Variants in RNFT2 observed in about 807,000 individuals in gnomAD.
RNFT2 encodes ring finger protein, transmembrane 2.
A neutral mutation model predicts 53.0 loss-of-function variants in RNFT2; 36 were observed. The observed-to-expected ratio is 0.68, with a 90% CI of 0.52 to 0.90. The LOEUF (loss-of-function observed/expected upper bound fraction) is 0.90. Ranked by LOEUF, RNFT2 falls within the 40% of genes least tolerant of loss-of-function variation. The pLI is 0.00. For synonymous variants in RNFT2, 260 were observed against 253.2 expected, an observed-to-expected ratio of 1.03 and a Z score of -0.26; for missense variants, 514 against 585.6, an observed-to-expected ratio of 0.88 and a Z score of 1.26.
At chr12:116,825,053 C>T (rs1468234881) in intron 7 of RNFT2, among the ~76,000 whole-genome samples, 1 of 152,216 alleles carries the variant, frequency 6.6e-6, no homozygotes, top group African/African-American at 2.4e-5. Flanking sequence ...TGGGGCTGGA[C>T]TGTCCAAGAT....
intron 6 of RNFT2, among the ~76,000 whole-genome samples, chr12:116,774,823 CAGA>C (rs750394255): frequency 6.6e-6 from 1 of 151,084 alleles, no homozygotes; most frequent in Non-Finnish European, 1.5e-5. Context: ...TGGAGTTTCC[CAGA>C]ACCTTGGATG....
chr12:116,806,399 TAGATAG>T (rs1473702825), intron 7 of RNFT2, among the ~76,000 whole-genome samples: 63 of 143,176 alleles, frequency 4.4e-4, no homozygotes, highest in African/African-American at 6.9e-4. Flanking sequence ...TATATATATA[TAGATAG>T]ATAGATAGAT....
chr12:116,848,412 A>G (rs576797356), intron 10 of RNFT2, among the ~76,000 whole-genome samples: 1 of 152,130 alleles, frequency 6.6e-6, no homozygotes, highest in Non-Finnish European at 1.5e-5. Flanking sequence ...TTAAACTGCA[A>G]ATCATATCAG....
chr12:116,839,873 C>T (rs1317032440), intron 10 of RNFT2, among the ~76,000 whole-genome samples: 1 of 152,158 alleles, frequency 6.6e-6, no homozygotes, highest in Admixed American at 6.5e-5. Context: ...CACCCACTAC[C>T]CCCTGAGCTA....
At chr12:116,845,271 A>G (rs1391240340) in intron 10 of RNFT2, among the ~76,000 whole-genome samples, 2 of 119,192 alleles carry the variant, frequency 1.7e-5, no homozygotes, top group Non-Finnish European at 3.2e-5. Flanking sequence ...ATATATATAT[A>G]TATAGAGAGA....
At chr12:116,794,673 AGGGAGGGAG>A (rs1874413728) in intron 7 of RNFT2, among the ~76,000 whole-genome samples, 17 of 36,712 alleles carry the variant, frequency 4.6e-4, no homozygotes, top group South Asian at 4.4e-3. Flanking sequence ...GGAGGAAGGA[AGGGAGGGAG>A]GGAGGGAGGG....
At chr12:116,741,116 C>G (rs1871589231) in intron 3 of RNFT2, 22 bp downstream of exon 3, 1 of 1,598,616 alleles carries the variant, frequency 6.3e-7, no homozygotes. Context: ...TGCTTCTGTT[C>G]CATCTGAGGG....
intron 7 of RNFT2, among the ~76,000 whole-genome samples, chr12:116,825,530 A>C (rs1331722004): frequency 6.6e-6 from 1 of 152,220 alleles, no homozygotes; most frequent in Non-Finnish European, 1.5e-5. Context: ...TTAATCCATA[A>C]GATCACCTTG....
intron 7 of RNFT2, among the ~76,000 whole-genome samples, chr12:116,782,693 C>A (rs576075354): frequency 6.6e-6 from 1 of 152,294 alleles, no homozygotes; most frequent in Non-Finnish European, 1.5e-5. Context: ...CAGTAACCCA[C>A]TGAATCTCTA....
intron 7 of RNFT2, among the ~76,000 whole-genome samples, chr12:116,809,232 G>A (rs902256283): frequency 1.3e-5 from 2 of 151,906 alleles, no homozygotes; most frequent in Middle Eastern, 3.2e-3. Context: ...CATCACCTGG[G>A]AGCAGAGTCG....
rs999028597 is a variant in RNFT2 at position 116,851,566 on chromosome 12, C to G, written c.*2118C>G. The G allele has an allele frequency of 1.9e-4, 110 of 581,860 alleles. No individual in the cohort carries two copies. Among genetic ancestry groups the G allele is most frequent in the African/African-American group, 1.8e-3 (99 of 53,626 alleles). 36.0% of individuals were successfully genotyped at this position (581,860 alleles called of 1,614,324 possible). On this transcript the variant is annotated 3_prime_UTR_variant, in exon 11 of 11. Transcript: ENST00000257575. The stretch of plus-strand genomic sequence containing the variant: ...CTAGCCTGGCCAACATGGCAAAACC[C>G]CCTCTTTACTAAAAAATACAAAAAT...
At chr12:116,806,880 C>T (rs1875109776) in intron 7 of RNFT2, among the ~76,000 whole-genome samples, 1 of 152,130 alleles carries the variant, frequency 6.6e-6, no homozygotes, top group South Asian at 2.1e-4. Context: ...TTGATCATAA[C>T]CTCTTATTCT....
chr12:116,785,515 C>T (rs1873897632), intron 7 of RNFT2, among the ~76,000 whole-genome samples: 1 of 152,066 alleles, frequency 6.6e-6, no homozygotes, highest in Non-Finnish European at 1.5e-5. Flanking sequence ...TAGTCTTGAA[C>T]TCCTGGGCTC....
chr12:116,743,802 T>C (rs1592933318), intron 3 of RNFT2, among the ~76,000 whole-genome samples: 3 of 152,242 alleles, frequency 2.0e-5, no homozygotes, highest in South Asian at 4.1e-4. Context: ...TGCCTGCCTG[T>C]TCTGCAGGGA....
At chr12:116,769,225 A>G (rs111852606) in intron 6 of RNFT2, among the ~76,000 whole-genome samples, 17,963 of 152,018 alleles carry the variant, frequency 0.12, 2,069 homozygotes, top group African/African-American at 0.28. Flanking sequence ...TGGGCGTGGT[A>G]GCAGGTGCCT....
intron 8 of RNFT2, among the ~76,000 whole-genome samples, chr12:116,835,748 G>C (rs1476029297): frequency 1.3e-5 from 2 of 152,186 alleles, no homozygotes; most frequent in African/African-American, 2.4e-5. Flanking sequence ...TGCTATTCTG[G>C]CCTAGGTAGC....
chr12:116,755,910 A>T, intron 5 of RNFT2: 1 of 1,224,020 alleles, frequency 8.2e-7, no homozygotes, highest in Non-Finnish European at 1.2e-6. Context: ...GTTCCGGCTG[A>T]AAGGAAAAGA....
chr12:116,743,229 A>AC, intron 3 of RNFT2, among the ~76,000 whole-genome samples: 1 of 121,290 alleles, frequency 8.2e-6, no homozygotes, highest in South Asian at 2.9e-4. Flanking sequence ...AAAAAAAAAA[A>AC]AAAAAAAAAA....
At chr12:116,770,171 G>T (rs1873111721) in intron 6 of RNFT2, among the ~76,000 whole-genome samples, 1 of 152,160 alleles carries the variant, frequency 6.6e-6, no homozygotes, top group South Asian at 2.1e-4. Flanking sequence ...TCCCAGTCCT[G>T]CAAGCTCCAG....
Sources: allele counts gnomAD v4.1 joint callset (sites outside exome capture counted in the v4.1 genomes callset), GRCh38; gene constraint gnomAD v4.1.1; transcripts MANE v1.5; gene names NCBI Gene and HGNC (gene_info 2026-07-23, HGNC 2026-07-21).